The following MYH16 variants were observed in gnomAD, a reference collection of about 807,000 sequenced individuals.
The protein encoded by MYH16 is putative uncharacterized protein MYH16.
At position 99,260,672 on chromosome 7, in the gene MYH16, T is replaced by A. The variant is rs1791928982; in HGVS notation, n.1575+338T>A. ...GAGAAGGGAACTTCCTTGTCCAATGTCCCACAACCTGTGAGTGGCAGAGTC... is the reference window on the plus strand; with the variant it reads ...GAGAAGGGAACTTCCTTGTCCAATGACCCACAACCTGTGAGTGGCAGAGTC... On this transcript the variant is annotated intron_variant and non_coding_transcript_variant, in intron 12 of 41. Transcript: ENST00000439784. The A allele has an allele frequency of 2.5e-5, 5 of 200,344 alleles. No individual in the cohort carries two copies. The Admixed American group carries it at 2.7e-4, about 11-fold the overall frequency. The allele number at this position is 200,344 out of a possible 1,614,324, so 12.4% of individuals were successfully genotyped here. A position where few individuals can be genotyped will look rare whatever the true frequency, so the allele number is the denominator to read the frequency against.
intron 6 of MYH16, among the ~76,000 whole-genome samples, chr7:99,251,959 T>C (rs917056776): frequency 6.6e-6 from 1 of 151,704 alleles, no homozygotes; most frequent in African/African-American, 2.4e-5. Context: ...GGCAACAGAG[T>C]AAGACCCCCT....
chr7:99,283,924 G>T lies in MYH16; in HGVS notation n.3131G>T, dbSNP rs756409126. ...GAAAATCCGGGCGGAGGTGGAAAAG[G>T]CTCGTCGGAAAGCTGAGAGTGACCT... On this transcript the variant is annotated non_coding_transcript_exon_variant, in exon 25 of 42. Transcript: ENST00000439784. 5 of 456,690 alleles carry T rather than the reference G, an allele frequency of 1.1e-5. 1 individual carries two copies. Among genetic ancestry groups the T allele is most frequent in the South Asian group, 7.7e-5 (5 of 64,572 alleles). 28.3% of individuals were successfully genotyped at this position (456,690 alleles called of 1,614,324 possible). A position where few individuals can be genotyped will look rare whatever the true frequency, so the allele number is the denominator to read the frequency against.
At chr7:99,256,722 C>T (rs1381234724) in intron 9 of MYH16, among the ~76,000 whole-genome samples, 2 of 152,184 alleles carry the variant, frequency 1.3e-5, no homozygotes, top group Admixed American at 6.5e-5. Flanking sequence ...TTGCAGTGAG[C>T]GGAGATTGTG....
At chr7:99,308,936 T>A (rs540073563), downstream of MYH16, among the ~76,000 whole-genome samples, 2 of 152,180 alleles carry the variant, frequency 1.3e-5, no homozygotes, top group African/African-American at 4.8e-5. Flanking sequence ...TACAAAAAAA[T>A]GTAAAAAATG....
At chr7:99,283,930 C>G (rs778000676) in exon 25 of MYH16, 2 of 456,596 alleles carry the variant, frequency 4.4e-6, no homozygotes, top group African/African-American at 2.0e-5. Context: ...AAAGGCTCGT[C>G]GGAAAGCTGA....
At chr7:99,291,682 G>A (rs942855319) in intron 31 of MYH16, among the ~76,000 whole-genome samples, 1 of 132,298 alleles carries the variant, frequency 7.6e-6, no homozygotes, top group Non-Finnish European at 1.5e-5. Flanking sequence ...AAAGCTGCTG[G>A]GCATGGTGGC....
chr7:99,257,895 C>T (rs1313407168), intron 10 of MYH16, among the ~76,000 whole-genome samples: 1 of 152,184 alleles, frequency 6.6e-6, no homozygotes, highest in Non-Finnish European at 1.5e-5. Flanking sequence ...GATCCTCCTA[C>T]CTTAACCTCC....
At chr7:99,265,981 GGA>G (rs1403999472) in intron 17 of MYH16, among the ~76,000 whole-genome samples, 1 of 152,220 alleles carries the variant, frequency 6.6e-6, no homozygotes, top group African/African-American at 2.4e-5. Context: ...CTCCCTGGAA[GGA>G]GCCCTCAATC....
chr7:99,277,702 A>C (rs1213987666), exon 21 of MYH16: 1 of 456,326 alleles, frequency 2.2e-6, no homozygotes, highest in Non-Finnish European at 4.4e-6. Context: ...CTCACCATCC[A>C]GCTGCAGGCT....
intron 8 of MYH16, chr7:99,255,488 A>AAGGG (rs569062247): frequency 8.5e-4 from 118 of 138,784 alleles, no homozygotes; most frequent in African/African-American, 2.9e-3. Flanking sequence ...GGAAAGAAGG[A>AAGGG]AGGGAGGGAG....
intron 19 of MYH16, among the ~76,000 whole-genome samples, chr7:99,272,179 C>T (rs1255248913): frequency 6.6e-6 from 1 of 152,186 alleles, no homozygotes; most frequent in Non-Finnish European, 1.5e-5. Context: ...TAACCCCTAA[C>T]AGGAAACAAC....
At chr7:99,274,618 G>A (rs955894738) in intron 20 of MYH16, among the ~76,000 whole-genome samples, 2 of 151,510 alleles carry the variant, frequency 1.3e-5, no homozygotes. Flanking sequence ...TGCCGGTGCC[G>A]CCTGGCTTTC....
intron 18 of MYH16, among the ~76,000 whole-genome samples, chr7:99,267,762 G>T (rs1232089908): frequency 1.3e-5 from 2 of 152,212 alleles, no homozygotes; most frequent in African/African-American, 2.4e-5. Flanking sequence ...TCCTGGTGGG[G>T]TTGTAAAGGC....
rs573436697 is a variant in MYH16 at position 99,294,810 on chromosome 7, C to A, written n.4282+660C>A. The stretch of plus-strand genomic sequence containing the variant: ...CGAACTCCTGACCTCAAGTGATCCA[C>A]CCGCCTTGGCCTCCCTAAGTGCCAG... On this transcript the variant is annotated intron_variant and non_coding_transcript_variant, in intron 33 of 41. Coordinates refer to ENST00000439784, the Ensembl canonical transcript of MYH16. Among the ~76,000 whole-genome samples, 76 of 152,200 alleles carry A rather than the reference C, an allele frequency of 5.0e-4. 1 individual carries two copies. The highest frequency in any genetic ancestry group is 1.7e-3 in the African/African-American group (71 of 41,548).
chr7:99,255,820 G>C (rs1791865198), intron 9 of MYH16: 1 of 152,246 alleles, frequency 6.6e-6, no homozygotes, highest in South Asian at 2.1e-4. Context: ...ATCTTCCCTG[G>C]AGATTTCTGG....
intron 5 of MYH16, among the ~76,000 whole-genome samples, chr7:99,250,694 A>T (rs1325667167): frequency 1.3e-5 from 2 of 152,080 alleles, no homozygotes; most frequent in African/African-American, 4.8e-5. Flanking sequence ...GTAAGCCGAG[A>T]TCGTGCCACT....
At chr7:99,302,310 A>AT (rs1792606445) in intron 38 of MYH16, among the ~76,000 whole-genome samples, 4 of 118,120 alleles carry the variant, frequency 3.4e-5, no homozygotes, top group African/African-American at 1.8e-4. Flanking sequence ...AAAAAAAAAA[A>AT]AATATATACA....
chr7:99,242,417 T>C (rs1232586794), intron 1 of MYH16, among the ~76,000 whole-genome samples: 5 of 151,998 alleles, frequency 3.3e-5, no homozygotes, highest in South Asian at 2.1e-4. Context: ...GGGAGGATCA[T>C]TGAAGGCCAA....
downstream of MYH16, among the ~76,000 whole-genome samples, chr7:99,309,768 C>T (rs567077253): frequency 6.6e-6 from 1 of 152,358 alleles, no homozygotes; most frequent in South Asian, 2.1e-4. Flanking sequence ...GATCTACTTC[C>T]ATGCCATCAG....
Sources: gnomAD v4.1 joint callset for allele counts (sites outside exome capture counted in the v4.1 genomes callset) on GRCh38, gnomAD v4.1.1 for gene constraint, MANE v1.5 for transcripts, NCBI Gene and HGNC (gene_info 2026-07-23, HGNC 2026-07-21) for gene names.